The following PLCB4 variants were observed in gnomAD, a reference collection of about 807,000 sequenced individuals.
PLCB4 encodes 1-phosphatidylinositol 4,5-bisphosphate phosphodiesterase beta-4.
PLCB4 carries 77 observed loss-of-function variants against 178.8 expected under a neutral mutation model. The ratio of observed to expected loss-of-function variants is 0.43; its 90% CI spans 0.36 to 0.52. The LOEUF (loss-of-function observed/expected upper bound fraction) is 0.52, where lower values mean the gene tolerates loss of function less well. Among genes scored for constraint, PLCB4 ranks in the 20% least tolerant of loss-of-function variants. PLCB4 has a pLI of 0.00. For synonymous variants in PLCB4, 496 were observed against 490.8 expected (o/e 1.01, Z -0.14); for missense variants, 1,024 against 1,453.4 (o/e 0.70, Z 4.80).
chr20:9,448,219 C>A (rs1156294320), intron 32 of PLCB4, among the ~76,000 whole-genome samples: 1 of 152,078 alleles, frequency 6.6e-6, no homozygotes, highest in Non-Finnish European at 1.5e-5. Context: ...GAGGTTTTAT[C>A]CTCTTGCCAC....
intron 19 of PLCB4, among the ~76,000 whole-genome samples, chr20:9,397,871 G>A (rs1236658953): frequency 6.6e-6 from 1 of 152,186 alleles, no homozygotes; most frequent in Admixed American, 6.5e-5. Flanking sequence ...ATAATTCTGT[G>A]GGTCATGTGG....
In PLCB4 at chr20:9,312,067, C is replaced by T. The variant is rs143726073; in HGVS notation, c.84+4169C>T. On this transcript the variant is annotated intron_variant, in intron 4 of 39. Coordinates refer to ENST00000378473, the MANE Select transcript of PLCB4 (RefSeq NM_001377142.1). ...ACCAGATTTTAAAATTCCATTCTCC[C>T]TTCTTGACACTAAGAAGCATTCTCA... Among the ~76,000 whole-genome samples the T allele has an allele frequency of 1.5e-3, 222 of 152,214 alleles. 1 individual carries two copies. Among genetic ancestry groups the T allele is most frequent in the African/African-American group, 4.8e-3 (199 of 41,544 alleles).
intron 2 of PLCB4, among the ~76,000 whole-genome samples, chr20:9,105,096 C>T (rs1314285842): frequency 1.3e-5 from 2 of 151,958 alleles, no homozygotes; most frequent in Non-Finnish European, 2.9e-5. Flanking sequence ...TATGTTTAGA[C>T]TCACCTAAAA....
chr20:9,131,449 C>G (rs779100585), intron 2 of PLCB4, among the ~76,000 whole-genome samples: 4 of 152,090 alleles, frequency 2.6e-5, no homozygotes, highest in African/African-American at 9.7e-5. Context: ...AATAACTTTA[C>G]TTGTTGAAGG....
intron 1 of PLCB4, among the ~76,000 whole-genome samples, chr20:9,093,224 A>G (rs1006844579): frequency 3.9e-5 from 6 of 152,222 alleles, no homozygotes; most frequent in Non-Finnish European, 7.3e-5. Flanking sequence ...TGTTTCTCTT[A>G]GCTCATGTAG....
At chr20:9,462,602 G>A (rs373492670) in intron 35 of PLCB4, among the ~76,000 whole-genome samples, 6 of 149,564 alleles carry the variant, frequency 4.0e-5, no homozygotes, top group African/African-American at 1.3e-4. Context: ...ACCATGGCAC[G>A]AGAGCTTCGT....
At chr20:9,197,053 A>G (rs1222347834) in intron 2 of PLCB4, among the ~76,000 whole-genome samples, 2 of 152,264 alleles carry the variant, frequency 1.3e-5, no homozygotes, top group East Asian at 3.8e-4. Context: ...AAATTTATTT[A>G]CAGAGCTCTT....
chr20:9,282,016 T>G (rs1354623207), intron 3 of PLCB4, among the ~76,000 whole-genome samples: 2 of 152,032 alleles, frequency 1.3e-5, no homozygotes, highest in African/African-American at 4.8e-5. Flanking sequence ...ACTCAGAGCC[T>G]ACTGATTCTT....
chr20:9,258,049 A>T (rs560197130), intron 3 of PLCB4, among the ~76,000 whole-genome samples: 1 of 152,160 alleles, frequency 6.6e-6, no homozygotes, highest in Non-Finnish European at 1.5e-5. Flanking sequence ...AAGTGGAGAC[A>T]TTAGAGAATC....
In PLCB4 at chr20:9,253,531, T is replaced by C. The variant is rs924546516; in HGVS notation, c.-16+36079T>C. ...TGGGTTTCCCTTCCCTGTTGCCCTG[T>C]TCCCGTCTCTTTTTCCACTTCTAGA... On this transcript the variant is annotated intron_variant, in intron 3 of 39. Coordinates refer to ENST00000378473, the MANE Select transcript of PLCB4 (RefSeq NM_001377142.1). 2.0e-5 allele frequency among the ~76,000 whole-genome samples: 3 copies of C among 152,150 alleles called. No homozygotes were observed. In the South Asian group the frequency reaches 6.2e-4, roughly 32 times the overall value.
intron 2 of PLCB4, among the ~76,000 whole-genome samples, chr20:9,206,627 T>C (rs1206326457): frequency 6.6e-6 from 1 of 152,190 alleles, no homozygotes; most frequent in Non-Finnish European, 1.5e-5. Context: ...CCATTTTCAA[T>C]TAAAATTGCC....
At chr20:9,352,030 A>G (rs1209370222) in intron 7 of PLCB4, among the ~76,000 whole-genome samples, 1 of 152,198 alleles carries the variant, frequency 6.6e-6, no homozygotes, top group Non-Finnish European at 1.5e-5. Flanking sequence ...CTGTCAAAAA[A>G]CTGATGGTTG....
intron 2 of PLCB4, among the ~76,000 whole-genome samples, chr20:9,115,657 C>T (rs1423557168): frequency 2.8e-5 from 4 of 145,358 alleles, no homozygotes; most frequent in African/African-American, 1.0e-4. Context: ...CAATTCCCTC[C>T]TATGAGTGAG....
intron 2 of PLCB4, among the ~76,000 whole-genome samples, chr20:9,189,411 C>T (rs370751041): frequency 1.3e-5 from 1 of 74,266 alleles, no homozygotes. Flanking sequence ...GGTTGGTTAA[C>T]TGTTCATTGT....
intron 3 of PLCB4, among the ~76,000 whole-genome samples, chr20:9,233,544 T>C (rs1303855254): frequency 2.6e-5 from 4 of 152,182 alleles, no homozygotes; most frequent in African/African-American, 9.6e-5. Context: ...GGTGATTCAT[T>C]TGGATTTATG....
intron 3 of PLCB4, among the ~76,000 whole-genome samples, chr20:9,280,060 G>A (rs1054022590): frequency 6.6e-6 from 1 of 152,008 alleles, no homozygotes; most frequent in Non-Finnish European, 1.5e-5. Flanking sequence ...TTCACAAATG[G>A]TAAAGCCAAG....
At chr20:9,231,649 G>C (rs2093934259) in intron 3 of PLCB4, among the ~76,000 whole-genome samples, 1 of 152,148 alleles carries the variant, frequency 6.6e-6, no homozygotes. Context: ...GAGGAAACTT[G>C]TGTGTAGAGT....
chr20:9,479,797 C>G lies in PLCB4; in HGVS notation c.*788C>G, dbSNP rs185426541. 1 of 152,692 alleles carries G rather than the reference C, an allele frequency of 6.5e-6. No homozygotes were observed. Among genetic ancestry groups the G allele is most frequent in the Admixed American group, 6.5e-5 (1 of 15,288 alleles). 9.5% of individuals were successfully genotyped at this position (152,692 alleles called of 1,614,324 possible). The stretch of plus-strand genomic sequence containing the variant: ...TATAAAGTATTTATACTCTTTAATT[C>G]ACACTGTTAGAGAGCAAAATCATCT... On this transcript the variant is annotated 3_prime_UTR_variant, in exon 40 of 40. Transcript: ENST00000378473.
chr20:9,449,644 A>G (rs1226034866), intron 32 of PLCB4, among the ~76,000 whole-genome samples: 1 of 152,252 alleles, frequency 6.6e-6, no homozygotes, highest in Non-Finnish European at 1.5e-5. Context: ...ATCTGCAGGC[A>G]GGATACATTC....
Sources: allele counts gnomAD v4.1 joint callset (sites outside exome capture counted in the v4.1 genomes callset), GRCh38; gene constraint gnomAD v4.1.1; transcripts MANE v1.5; gene names NCBI Gene and HGNC (gene_info 2026-07-23, HGNC 2026-07-21).